PRKD3: variants seen among roughly 807,000 people sequenced by gnomAD.
PRKD3 encodes serine/threonine-protein kinase D3.
A neutral mutation model predicts 99.2 loss-of-function variants in PRKD3; 47 were observed. That is an observed-to-expected ratio of 0.47 (90% CI 0.38 to 0.60). PRKD3 has a LOEUF of 0.60. Ranked by LOEUF, PRKD3 falls within the 20% of genes least tolerant of loss-of-function variation. The pLI is 0.00. For synonymous variants in PRKD3, 392 were observed against 355.4 expected (o/e 1.10, Z -1.16); for missense variants, 1,019 against 1,088.4 (o/e 0.94, Z 0.90).
chr2:37,301,462 G>T (rs1233142863), intron 2 of PRKD3, among the ~76,000 whole-genome samples: 1 of 150,808 alleles, frequency 6.6e-6, no homozygotes, highest in Non-Finnish European at 1.5e-5. Flanking sequence ...TTTTTGAGTG[G>T]GGGTCTCCCT....
chr2:37,259,838 T>C (rs140080385), intron 15 of PRKD3, among the ~76,000 whole-genome samples, 157 bp from the exon 16 acceptor site: 1 of 152,318 alleles, frequency 6.6e-6, no homozygotes, highest in Non-Finnish European at 1.5e-5. Context: ...ATTCCCACAA[T>C]CACCCAACAT....
intron 10 of PRKD3, 25 bp from the exon 11 acceptor site, chr2:37,274,722 A>C: frequency 6.3e-7 from 1 of 1,592,014 alleles, no homozygotes; most frequent in Non-Finnish European, 8.6e-7. Flanking sequence ...TAAGCATTGA[A>C]AAATAAGAAT....
At chr2:37,301,342 A>G (rs1441724192) in intron 2 of PRKD3, among the ~76,000 whole-genome samples, 2 of 151,880 alleles carry the variant, frequency 1.3e-5, no homozygotes, top group Non-Finnish European at 2.9e-5. Flanking sequence ...ACTCCAGGAG[A>G]ACAAAGAACA....
intron 14 of PRKD3, among the ~76,000 whole-genome samples, chr2:37,262,669 C>A (rs1206636366): frequency 7.0e-6 from 1 of 142,278 alleles, no homozygotes; most frequent in African/African-American, 2.8e-5. Context: ...AGTTGGCTGG[C>A]TCTATGCTTT....
At position 37,290,880 on chromosome 2, in the gene PRKD3, G is replaced by A. The variant is rs776885944; in HGVS notation, c.547C>T (p.Leu183=). 2 of 1,600,400 alleles carry A rather than the reference G, an allele frequency of 1.2e-6. No individual in the cohort carries two copies. The highest frequency in any genetic ancestry group is 3.4e-5 in the Admixed American group (2 of 58,226). The stretch of plus-strand genomic sequence containing the variant: ...TTAGAACACACACCTTCACATTTCA[G>A]TCCTTGACGTACCAATCCCCAGAGC... ...EMLWGLVRQG[L]KCEGCGLNYH... is the part of the protein sequence containing the mutation. Residue 183 remains leucine, a synonymous_variant, in exon 4 of 19, where the codon CTG becomes TTG. Transcript: ENST00000234179.
intron 2 of PRKD3, among the ~76,000 whole-genome samples, chr2:37,300,681 TAA>T (rs758007830): frequency 2.0e-5 from 3 of 152,144 alleles, no homozygotes; most frequent in Non-Finnish European, 2.9e-5. Flanking sequence ...AAAATAGAAA[TAA>T]AAGAGATTAG....
intron 17 of PRKD3, among the ~76,000 whole-genome samples, chr2:37,256,300 G>A (rs1218669695): frequency 6.6e-6 from 1 of 152,208 alleles, no homozygotes; most frequent in Non-Finnish European, 1.5e-5. Context: ...TTAAAGAGAA[G>A]TGTTTGGGAG....
intron 2 of PRKD3, among the ~76,000 whole-genome samples, chr2:37,298,170 A>C (rs1670756199): frequency 6.6e-6 from 1 of 152,206 alleles, no homozygotes; most frequent in Non-Finnish European, 1.5e-5. Flanking sequence ...GCAATTATTC[A>C]AAGTTCAAAA....
intron 9 of PRKD3, 104 bp downstream of exon 9, chr2:37,277,759 TATA>T: frequency 1.6e-6 from 2 of 1,218,178 alleles, no homozygotes; most frequent in Non-Finnish European, 2.3e-6. Context: ...CTGTGGTGTA[TATA>T]ATGTCTTAAT....
chr2:37,321,623 C>G (rs1671887363), intron 1 of PRKD3, among the ~76,000 whole-genome samples: 1 of 152,170 alleles, frequency 6.6e-6, no homozygotes, highest in African/African-American at 2.4e-5. Context: ...AGAGCAGTGA[C>G]CGAAACAGAC....
chr2:37,252,847 T>TTATTTATATA lies in PRKD3; in HGVS notation c.*329_*330insTATATAAATA, dbSNP rs1553362998. 6.9e-6 allele frequency: 1 copy of TTATTTATATA among 145,014 alleles called. No homozygotes were observed. The highest frequency in any genetic ancestry group is 2.0e-4 in the East Asian group (1 of 4,926). The allele number at this position is 145,014 out of a possible 1,614,324, so 9.0% of individuals were successfully genotyped here. A position where few individuals can be genotyped will look rare whatever the true frequency, so the allele number is the denominator to read the frequency against. On this transcript the variant is annotated 3_prime_UTR_variant, in exon 19 of 19. Coordinates refer to ENST00000234179, the MANE Select transcript of PRKD3 (RefSeq NM_005813.6). ...AAAACAAACAAACATATATTTATATTTATATATATATATATAAAGAGAAAT... is the reference window on the plus strand; with the variant it reads ...AAAACAAACAAACATATATTTATATTTATTTATATATATATATATATATATAAAGAGAAAT...
intron 11 of PRKD3, among the ~76,000 whole-genome samples, 197 bp from the exon 12 acceptor site, chr2:37,272,629 C>T (rs906822672): frequency 2.8e-4 from 42 of 152,126 alleles, no homozygotes; most frequent in African/African-American, 9.7e-4. Context: ...CAAAAGAATA[C>T]TATCTCAACA....
intron 8 of PRKD3, chr2:37,279,157 A>C (rs1669718806): frequency 6.6e-6 from 1 of 152,162 alleles, no homozygotes; most frequent in Non-Finnish European, 1.5e-5. Context: ...AACCTGCCAA[A>C]ATGGGGACAT....
Position 37,291,011 on chromosome 2 carries a change from A to G in PRKD3, c.428-12T>C, listed in dbSNP as rs376036297. The G allele has an allele frequency of 3.8e-6, 6 of 1,595,130 alleles. No individual in the cohort carries two copies. In the Admixed American group the frequency reaches 5.3e-5, roughly 14 times the overall value. ...TACTGTGGCTAAAGCTTTAAAAAAG[A>G]AAAGTATTACAATACACGTTGTATT... On this transcript the variant is annotated splice_polypyrimidine_tract_variant and intron_variant, in intron 3 of 18. Coordinates refer to ENST00000234179, the MANE Select transcript of PRKD3 (RefSeq NM_005813.6).
chr2:37,312,785 T>C (rs921384985), intron 2 of PRKD3, among the ~76,000 whole-genome samples: 1 of 152,158 alleles, frequency 6.6e-6, no homozygotes, highest in Admixed American at 6.5e-5. Context: ...CAGAAACACA[T>C]AAAACAAGGT....
At chr2:37,275,469 G>T (rs1371007672) in intron 10 of PRKD3, among the ~76,000 whole-genome samples, 1 of 152,112 alleles carries the variant, frequency 6.6e-6, no homozygotes, top group Non-Finnish European at 1.5e-5. Flanking sequence ...ATGATGATGG[G>T]ACTTTCTAAG....
At chr2:37,314,037 A>G (rs1053295126) in intron 2 of PRKD3, among the ~76,000 whole-genome samples, 2 of 152,212 alleles carry the variant, frequency 1.3e-5, no homozygotes, top group Non-Finnish European at 2.9e-5. Flanking sequence ...AAATCAAAGA[A>G]AAGAACTGAT....
At chr2:37,287,980 T>C (rs377292124) in intron 5 of PRKD3, among the ~76,000 whole-genome samples, 74 of 152,320 alleles carry the variant, frequency 4.9e-4, no homozygotes, top group African/African-American at 1.7e-3. Flanking sequence ...GTTCTACTTG[T>C]TTAAAAATAC....
chr2:37,316,611 T>C lies in PRKD3; in HGVS notation c.-87A>G. The C allele has an allele frequency of 6.6e-7, 1 of 1,515,564 alleles. No individual in the cohort carries two copies. The highest frequency in any genetic ancestry group is 8.8e-7 in the Non-Finnish European group (1 of 1,137,446). The allele number at this position is 1,515,564 out of a possible 1,614,324, so 93.9% of individuals were successfully genotyped here. On this transcript the variant is annotated 5_prime_UTR_variant, in exon 2 of 19. Transcript: ENST00000234179. Reference sequence around the variant, plus strand: ...TTTAAAATAACAGCAGTAAAGAAAATGACCGCACTTTTGGATTTAGTTGAA... The same window carrying C: ...TTTAAAATAACAGCAGTAAAGAAAACGACCGCACTTTTGGATTTAGTTGAA...
Sources: allele counts gnomAD v4.1 joint callset (sites outside exome capture counted in the v4.1 genomes callset), GRCh38; gene constraint gnomAD v4.1.1; transcripts MANE v1.5; gene names NCBI Gene and HGNC (gene_info 2026-07-23, HGNC 2026-07-21).